GOLM2: variants seen among roughly 807,000 people sequenced by gnomAD.
The protein encoded by GOLM2 is golgi membrane protein 2, also known as protein GOLM2.
In GOLM2, 26 loss-of-function variants were observed where a neutral mutation model predicts 55.9. The ratio of observed to expected loss-of-function variants is 0.47; its 90% CI spans 0.34 to 0.65. GOLM2 has a LOEUF of 0.65. Ranked by LOEUF, GOLM2 falls within the 30% of genes least tolerant of loss-of-function variation. The pLI is 0.01. For missense variants in GOLM2, 486 were observed against 531.8 expected (o/e 0.91, Z 0.85); for synonymous variants, 165 against 194.6 (o/e 0.85, Z 1.27).
At chr15:44,300,525 G>A (rs2141109606) in intron 1 of GOLM2, among the ~76,000 whole-genome samples, 1 of 152,142 alleles carries the variant, frequency 6.6e-6, no homozygotes, top group East Asian at 1.9e-4. Context: ...GAAAAATGAT[G>A]ACTAGGATTT....
intron 4 of GOLM2, among the ~76,000 whole-genome samples, chr15:44,335,953 T>TA (rs1319981169): frequency 6.6e-6 from 1 of 151,492 alleles, no homozygotes; most frequent in Non-Finnish European, 1.5e-5. Context: ...TAGCTGGGAT[T>TA]ACAAGCATGC....
intron 8 of GOLM2, among the ~76,000 whole-genome samples, chr15:44,383,675 C>CTTTTTTTTTTTTT (rs761209421): frequency 1.3e-4 from 16 of 125,904 alleles, no homozygotes; most frequent in South Asian, 2.5e-4. Context: ...TTCTTTTTTT[C>CTTTTTTTTTTTTT]TTTTTTTTTT....
In GOLM2 at chr15:44,294,149, T is replaced by C. The variant is rs79506770; in HGVS notation, c.327+4793T>C. On this transcript the variant is annotated intron_variant, in intron 1 of 9. Transcript: ENST00000299957. Reference sequence around the variant, plus strand: ...TCCACATACCCTACACCCAGTTTCATTGTGACATACCCCTTTCTTACTTTT... The same window carrying C: ...TCCACATACCCTACACCCAGTTTCACTGTGACATACCCCTTTCTTACTTTT... Among the ~76,000 whole-genome samples the C allele has an allele frequency of 9.2e-3, 1,404 of 152,302 alleles. 28 individuals are homozygous for C. The highest frequency in any genetic ancestry group is 0.033 in the African/African-American group (1,364 of 41,556).
At chr15:44,316,857 G>GT (rs1432699147) in intron 1 of GOLM2, among the ~76,000 whole-genome samples, 3 of 151,988 alleles carry the variant, frequency 2.0e-5, no homozygotes, top group Non-Finnish European at 4.4e-5. Context: ...GTGGTCATCT[G>GT]TGCCTGTGGT....
At chr15:44,379,400 C>T (rs1293948900) in intron 6 of GOLM2, among the ~76,000 whole-genome samples, 2 of 151,918 alleles carry the variant, frequency 1.3e-5, no homozygotes, top group African/African-American at 4.8e-5. Context: ...ATCGCTGGAA[C>T]GCGGGAGGCA....
At position 44,305,280 on chromosome 15, in the gene GOLM2, C is replaced by T. The variant is rs1218224303; in HGVS notation, c.327+15924C>T. ...CTCCCAAAGTGATGGAATTAATGGC[C>T]ACTGTGCCCAGCCACAAATTATTAT... is the stretch of plus-strand genomic sequence containing the variant. On this transcript the variant is annotated intron_variant, in intron 1 of 9. Transcript: ENST00000299957. 2.6e-5 allele frequency among the ~76,000 whole-genome samples: 4 copies of T among 152,230 alleles called. No individual in the cohort carries two copies. The East Asian group carries it at 7.7e-4, about 29-fold the overall frequency.
chr15:44,330,614 C>T (rs2079016982), intron 3 of GOLM2, among the ~76,000 whole-genome samples: 1 of 151,832 alleles, frequency 6.6e-6, no homozygotes, highest in African/African-American at 2.4e-5. Context: ...ACCTGTGGTC[C>T]CAGCTACTTG....
At chr15:44,299,820 T>G (rs2078784103) in intron 1 of GOLM2, among the ~76,000 whole-genome samples, 1 of 150,604 alleles carries the variant, frequency 6.6e-6, no homozygotes, top group Non-Finnish European at 1.5e-5. Context: ...TTGAAGAAAT[T>G]TGGGGCTAGG....
intron 6 of GOLM2, among the ~76,000 whole-genome samples, chr15:44,372,574 G>A (rs977874117): frequency 6.6e-6 from 1 of 152,158 alleles, no homozygotes; most frequent in African/African-American, 2.4e-5. Context: ...TAAGTCAAGT[G>A]AGAGGTATGT....
chr15:44,415,128 T>C lies in GOLM2; in HGVS notation c.*1722T>C, dbSNP rs570438726. 1 of 152,654 alleles carries C rather than the reference T, an allele frequency of 6.6e-6. No homozygotes were observed. Among genetic ancestry groups the C allele is most frequent in the Non-Finnish European group, 1.5e-5 (1 of 68,008 alleles). The allele number at this position is 152,654 out of a possible 1,614,324, so 9.5% of individuals were successfully genotyped here. A position where few individuals can be genotyped will look rare whatever the true frequency, so the allele number is the denominator to read the frequency against. ...GCTGAGGTGCAAAAATTCTTAAGAC[T>C]TCTGTTTGAAATTGCTCAATGACTA... On this transcript the variant is annotated 3_prime_UTR_variant, in exon 10 of 10. Transcript: ENST00000299957.
In GOLM2 at chr15:44,292,205, T is replaced by A. The variant is rs999771210; in HGVS notation, c.327+2849T>A. 3.4e-4 allele frequency among the ~76,000 whole-genome samples: 50 copies of A among 147,108 alleles called. 1 individual carries two copies. The highest frequency in any genetic ancestry group is 9.8e-4 in the East Asian group (5 of 5,126). Reference sequence around the variant, plus strand: ...CATACATATATATATATATATATTTTTTTTTTTTTTTAGACAGAGTCTCGC... The same window carrying A: ...CATACATATATATATATATATATTTATTTTTTTTTTTAGACAGAGTCTCGC... On this transcript the variant is annotated intron_variant, in intron 1 of 9. Transcript: ENST00000299957.
intron 1 of GOLM2, among the ~76,000 whole-genome samples, chr15:44,292,161 G>A (rs755652804): frequency 7.3e-5 from 11 of 149,908 alleles, no homozygotes; most frequent in Non-Finnish European, 1.5e-4. Flanking sequence ...TGTCAGTTCT[G>A]TGTGTGTATA....
intron 7 of GOLM2, among the ~76,000 whole-genome samples, chr15:44,380,342 G>A (rs1178948266): frequency 2.0e-5 from 3 of 152,140 alleles, no homozygotes; most frequent in Non-Finnish European, 2.9e-5. Flanking sequence ...TGGGGAAAGA[G>A]AGGTGGTATC....
At chr15:44,329,756 G>T (rs922635729) in intron 3 of GOLM2, among the ~76,000 whole-genome samples, 26 of 151,924 alleles carry the variant, frequency 1.7e-4, no homozygotes, top group Admixed American at 1.6e-3. Flanking sequence ...TTAAAAATTA[G>T]CTGGGCATGA....
chr15:44,359,371 A>G (rs1287934941), intron 6 of GOLM2, among the ~76,000 whole-genome samples: 1 of 152,022 alleles, frequency 6.6e-6, no homozygotes, highest in Non-Finnish European at 1.5e-5. Flanking sequence ...GCGGATCACG[A>G]GTTCAGGAGA....
At chr15:44,412,848 C>T (rs2079647339) in intron 9 of GOLM2, among the ~76,000 whole-genome samples, 2 of 151,944 alleles carry the variant, frequency 1.3e-5, no homozygotes, top group Admixed American at 1.3e-4. Flanking sequence ...ACTAAAAATA[C>T]AGAAATTAGC....
At chr15:44,310,502 C>CCACACACA (rs34821071) in intron 1 of GOLM2, among the ~76,000 whole-genome samples, 16 of 124,700 alleles carry the variant, frequency 1.3e-4, no homozygotes, top group African/African-American at 3.6e-4. Flanking sequence ...ACACACACAC[C>CCACACACA]CACACACACA....
chr15:44,399,901 A>G (rs991964970), intron 8 of GOLM2, among the ~76,000 whole-genome samples: 1 of 152,002 alleles, frequency 6.6e-6, no homozygotes, highest in Non-Finnish European at 1.5e-5. Flanking sequence ...AGGCTGAAGC[A>G]GGAGAATTGC....
At chr15:44,318,437 C>T (rs2078926669) in intron 1 of GOLM2, among the ~76,000 whole-genome samples, 3 of 152,134 alleles carry the variant, frequency 2.0e-5, no homozygotes, top group South Asian at 2.1e-4. Context: ...ACTGGGTGTG[C>T]GTGGCTTACG....
Sources: allele counts gnomAD v4.1 joint callset (sites outside exome capture counted in the v4.1 genomes callset), GRCh38; gene constraint gnomAD v4.1.1; transcripts MANE v1.5; gene names NCBI Gene and HGNC (gene_info 2026-07-23, HGNC 2026-07-21).